CCDC171: variants seen among roughly 807,000 people sequenced by gnomAD.
CCDC171 encodes coiled-coil domain-containing protein 171.
In CCDC171, 177 loss-of-function variants were observed where a neutral mutation model predicts 168.2. That is an observed-to-expected ratio of 1.05 (90% CI 0.93 to 1.19). The LOEUF (loss-of-function observed/expected upper bound fraction) is 1.19, where lower values mean the gene tolerates loss of function less well. Among genes scored for constraint, CCDC171 ranks in the 50% most tolerant of loss-of-function variants. The probability of loss-of-function intolerance (pLI) is 0.00; values close to 1 mark genes in which losing one functional copy is unlikely to be tolerated. For missense variants in CCDC171, 1,991 were observed against 1,539.0 expected, an observed-to-expected ratio of 1.29 and a Z score of -4.91; for synonymous variants, 687 against 540.8, an observed-to-expected ratio of 1.27 and a Z score of -3.75.
chr9:15,681,405 G>A (rs1274422734), intron 10 of CCDC171, among the ~76,000 whole-genome samples: 1 of 151,898 alleles, frequency 6.6e-6, no homozygotes, highest in Admixed American at 6.6e-5. Flanking sequence ...TAAACTCATA[G>A]CTTTGCGTCT....
At chr9:15,945,782 C>T (rs1173480629) in intron 25 of CCDC171, among the ~76,000 whole-genome samples, 1 of 151,584 alleles carries the variant, frequency 6.6e-6, no homozygotes, top group East Asian at 2.0e-4. Context: ...GGATATTAGC[C>T]CTTTGTCAGA....
At chr9:16,040,205 C>T (rs1217581967), upstream of CCDC171, among the ~76,000 whole-genome samples, 1 of 152,182 alleles carries the variant, frequency 6.6e-6, no homozygotes, top group Non-Finnish European at 1.5e-5. Context: ...CCACAGGCAT[C>T]GTGTTGGAGG....
At chr9:15,755,098 C>A (rs1234275190) in intron 18 of CCDC171, among the ~76,000 whole-genome samples, 1 of 152,072 alleles carries the variant, frequency 6.6e-6, no homozygotes, top group African/African-American at 2.4e-5. Flanking sequence ...TATTGGATGA[C>A]CCTACTTAAA....
At chr9:15,635,132 G>C (rs557875201) in intron 7 of CCDC171, among the ~76,000 whole-genome samples, 1 of 152,230 alleles carries the variant, frequency 6.6e-6, no homozygotes, top group African/African-American at 2.4e-5. Context: ...TTTGTTAGGA[G>C]AATTGACTTA....
chr9:15,838,005 G>A (rs922800671), intron 21 of CCDC171, among the ~76,000 whole-genome samples: 1 of 152,036 alleles, frequency 6.6e-6, no homozygotes, highest in Non-Finnish European at 1.5e-5. Flanking sequence ...GAGTTCAATT[G>A]TTAATCCTCT....
At position 15,846,921 on chromosome 9, in the gene CCDC171, T is replaced by C. The variant is rs907731828; in HGVS notation, c.3413+74T>C. The C allele has an allele frequency of 6.7e-6, 9 of 1,349,420 alleles. No homozygotes were observed. In the Admixed American group the frequency reaches 1.5e-4, roughly 23 times the overall value. The allele number at this position is 1,349,420 out of a possible 1,614,324, so 83.6% of individuals were successfully genotyped here. ...ATTCTTACTTTCATGCTCCGGGTTT[T>C]AGCCCTGGATAATACAGTGTTAGAA... On this transcript the variant is annotated intron_variant, in intron 22 of 25. Transcript: ENST00000380701.
chr9:15,705,441 G>T (rs1365598310), intron 11 of CCDC171, among the ~76,000 whole-genome samples: 3 of 152,080 alleles, frequency 2.0e-5, no homozygotes, highest in Non-Finnish European at 4.4e-5. Flanking sequence ...CCTTCCCTAT[G>T]TTTGGGCCAC....
intron 7 of CCDC171, among the ~76,000 whole-genome samples, chr9:15,635,514 T>C (rs1363463586): frequency 1.3e-5 from 2 of 152,170 alleles, no homozygotes; most frequent in South Asian, 4.1e-4. Context: ...CCCATTCCAC[T>C]TTCTTCTGCC....
chr9:15,583,723 A>G (rs181004590), intron 4 of CCDC171, among the ~76,000 whole-genome samples: 1 of 152,266 alleles, frequency 6.6e-6, no homozygotes, highest in African/African-American at 2.4e-5. Context: ...AGAAATCACT[A>G]CTAATGAACT....
chr9:15,919,259 A>T (rs1214966630), intron 24 of CCDC171, among the ~76,000 whole-genome samples: 1 of 151,572 alleles, frequency 6.6e-6, no homozygotes, highest in Admixed American at 6.6e-5. Context: ...TAACTAACTT[A>T]CCTCTGTTTT....
rs376398043 is a variant in CCDC171 at position 15,645,943 on chromosome 9, T to G, written c.823-11184T>G. Among the ~76,000 whole-genome samples the G allele has an allele frequency of 8.9e-4, 135 of 152,160 alleles. 1 individual carries two copies. The highest frequency in any genetic ancestry group is 2.9e-3 in the African/African-American group (122 of 41,508). ...GAAGAGCAATTCCAAGACACATAAT[T>G]GTCAGATTCACCAAAGTTGAAATGA... On this transcript the variant is annotated intron_variant, in intron 7 of 25. Transcript: ENST00000380701.
intron 23 of CCDC171, among the ~76,000 whole-genome samples, chr9:15,871,982 A>G (rs1185516382): frequency 6.6e-6 from 1 of 152,030 alleles, no homozygotes; most frequent in Non-Finnish European, 1.5e-5. Context: ...AATATTTGAG[A>G]ACATTTTAGA....
In CCDC171 at chr9:15,562,856, C is replaced by T. The variant is rs190423605; in HGVS notation, c.-111-1122C>T. The stretch of plus-strand genomic sequence containing the variant: ...TTCCCTGGGGTCTGACCTTCAGGAG[C>T]GTGGTGATAATGTGACAAGATTTTG... On this transcript the variant is annotated intron_variant, in intron 1 of 25. Transcript: ENST00000380701. Among the ~76,000 whole-genome samples, 257 of 151,672 alleles carry T rather than the reference C, an allele frequency of 1.7e-3. 6 individuals are homozygous for T. Among genetic ancestry groups the T allele is most frequent in the Non-Finnish European group, 3.1e-3 (211 of 67,896 alleles).
intron 18 of CCDC171, among the ~76,000 whole-genome samples, chr9:15,757,138 G>A (rs551784960): frequency 6.6e-6 from 1 of 152,220 alleles, no homozygotes; most frequent in South Asian, 2.1e-4. Flanking sequence ...TTGGAACTGG[G>A]TAACAGGCAG....
At chr9:15,749,036 G>T (rs2055512733) in intron 18 of CCDC171, among the ~76,000 whole-genome samples, 1 of 152,014 alleles carries the variant, frequency 6.6e-6, no homozygotes, top group Non-Finnish European at 1.5e-5. Flanking sequence ...TGGATAAAGA[G>T]TCAAGACCCA....
chr9:15,988,772 G>A (rs924970755), intron 3 of CCDC171, among the ~76,000 whole-genome samples: 8 of 152,192 alleles, frequency 5.3e-5, no homozygotes, highest in African/African-American at 1.9e-4. Flanking sequence ...CAGCACACTA[G>A]GAGATTATAT....
intron 7 of CCDC171, among the ~76,000 whole-genome samples, chr9:15,648,425 G>A (rs955643950): frequency 2.0e-5 from 3 of 152,128 alleles, no homozygotes; most frequent in African/African-American, 7.2e-5. Context: ...AAGAAATAAA[G>A]GGTATTCAAT....
intron 15 of CCDC171, among the ~76,000 whole-genome samples, 196 bp from the exon 16 acceptor site, chr9:15,729,414 A>G (rs1378982230): frequency 6.6e-6 from 1 of 152,000 alleles, no homozygotes; most frequent in Non-Finnish European, 1.5e-5. Flanking sequence ...AAGTAACACA[A>G]TTTTCTGCTA....
chr9:15,582,580 C>T (rs980348760), intron 4 of CCDC171, among the ~76,000 whole-genome samples: 6 of 152,138 alleles, frequency 3.9e-5, no homozygotes, highest in Admixed American at 2.6e-4. Flanking sequence ...CACATATATA[C>T]ACCATGGAAT....
Sources: gnomAD v4.1 joint callset for allele counts (sites outside exome capture counted in the v4.1 genomes callset) on GRCh38, gnomAD v4.1.1 for gene constraint, MANE v1.5 for transcripts, NCBI Gene and HGNC (gene_info 2026-07-23, HGNC 2026-07-21) for gene names.